The following LIN54 variants were observed in gnomAD, a reference collection of about 807,000 sequenced individuals.
LIN54 encodes lin-54 DREAM MuvB core complex component.
A neutral mutation model predicts 78.7 loss-of-function variants in LIN54; 9 were observed. The ratio of observed to expected loss-of-function variants is 0.11; its 90% CI spans 0.07 to 0.20. The LOEUF (loss-of-function observed/expected upper bound fraction) is 0.20, where lower values mean the gene tolerates loss of function less well. Among genes scored for constraint, LIN54 ranks in the 10% least tolerant of loss-of-function variants. The pLI, the probability that LIN54 is intolerant of heterozygous loss-of-function variation, is 1.00. For synonymous variants in LIN54, 269 were observed against 318.4 expected (o/e 0.84, Z 1.65); for missense variants, 573 against 889.9 (o/e 0.64, Z 4.53).
At position 82,928,276 on chromosome 4, in the gene LIN54, T is replaced by C; in HGVS notation, c.2076A>G (p.Glu692=). The change falls in exon 13 of 13, where the codon GAA becomes GAG. Residue 692 remains glutamate, a synonymous_variant. Coordinates refer to ENST00000340417, the MANE Select transcript of LIN54 (RefSeq NM_194282.4). The part of the protein sequence containing the change: ...GKLPFTFVTK[E]VAEATCNCLL... ...GGCAATTACATGTGGCTTCAGCTAC[T>C]TCCTTAGTTACAAATGTAAATGGCA... The C allele has an allele frequency of 1.2e-6, 2 of 1,614,114 alleles. No individual in the cohort carries two copies. Among genetic ancestry groups the C allele is most frequent in the Non-Finnish European group, 1.7e-6 (2 of 1,179,920 alleles).
chr4:82,970,254 T>C (rs894140543), intron 4 of LIN54, 73 bp downstream of exon 4: 47 of 1,391,588 alleles, frequency 3.4e-5, no homozygotes, highest in Non-Finnish European at 4.5e-5. Flanking sequence ...AATTGAAGTA[T>C]CTGAAGTGAC....
intron 1 of LIN54, among the ~76,000 whole-genome samples, chr4:82,997,482 T>C (rs1728318359): frequency 6.6e-6 from 1 of 152,092 alleles, no homozygotes; most frequent in African/African-American, 2.4e-5. Flanking sequence ...TACTTCTTGC[T>C]TCCTAACTTT....
chr4:82,979,053 C>A, intron 2 of LIN54, 47 bp from the exon 3 acceptor site: 2 of 1,433,396 alleles, frequency 1.4e-6, no homozygotes, highest in Non-Finnish European at 9.5e-7. Flanking sequence ...CTATAAAATG[C>A]CTATTAAATC....
chr4:82,998,507 A>G (rs891113475), intron 1 of LIN54, among the ~76,000 whole-genome samples: 1 of 70,306 alleles, frequency 1.4e-5, no homozygotes, highest in Admixed American at 1.4e-4. Context: ...AGCAGCTCCA[A>G]CTCGGGCGAC....
intron 4 of LIN54, among the ~76,000 whole-genome samples, chr4:82,962,173 C>T (rs966234467): frequency 5.3e-5 from 8 of 152,088 alleles, no homozygotes; most frequent in Non-Finnish European, 8.8e-5. Flanking sequence ...AATCTTCCCA[C>T]CCCAGCCTTC....
intron 1 of LIN54, among the ~76,000 whole-genome samples, chr4:82,986,843 G>A (rs142742799): frequency 5.6e-4 from 85 of 151,924 alleles, no homozygotes; most frequent in Non-Finnish European, 9.3e-4. Context: ...CACTGATGAC[G>A]TAATTTAATT....
intron 4 of LIN54, among the ~76,000 whole-genome samples, chr4:82,966,316 G>A (rs1725196779): frequency 6.6e-6 from 1 of 152,048 alleles, no homozygotes; most frequent in South Asian, 2.1e-4. Context: ...GATAGGATGG[G>A]ATATTTTCTG....
chr4:82,984,176 C>T lies in LIN54; in HGVS notation c.669G>A (p.Gln223=). ...TTQPSVLQTQ[Q]LKTVQIAKKP... ...TTTCTTTTACCTGTACTGTTTTTAA[C>T]TGTTGGGTCTGTAACACAGAGGGCT... Residue 223 remains glutamine, a synonymous_variant, in exon 2 of 13, where the codon CAG becomes CAA. Coordinates refer to ENST00000340417, the MANE Select transcript of LIN54 (RefSeq NM_194282.4). 1 of 1,609,624 alleles carries T rather than the reference C, an allele frequency of 6.2e-7. No individual in the cohort carries two copies. Among genetic ancestry groups the T allele is most frequent in the Non-Finnish European group, 8.5e-7 (1 of 1,178,264 alleles).
At chr4:83,008,815 A>G (rs1729625440) in intron 1 of LIN54, among the ~76,000 whole-genome samples, 1 of 152,228 alleles carries the variant, frequency 6.6e-6, no homozygotes, top group Admixed American at 6.5e-5. Flanking sequence ...AACCAGGACA[A>G]TCTGAAAACT....
chr4:82,994,491 C>T (rs536473251), intron 1 of LIN54, among the ~76,000 whole-genome samples: 40 of 151,800 alleles, frequency 2.6e-4, no homozygotes, highest in Admixed American at 2.4e-3. Flanking sequence ...TCCACCTCCC[C>T]GGTTCAAGCA....
chr4:82,948,620 T>C (rs1352573015), intron 4 of LIN54, among the ~76,000 whole-genome samples: 2 of 152,234 alleles, frequency 1.3e-5, no homozygotes, highest in Admixed American at 6.5e-5. Flanking sequence ...TTGTTACTTA[T>C]AGTCCTCACA....
At chr4:83,004,413 A>AAAAAG (rs1553959966) in intron 1 of LIN54, among the ~76,000 whole-genome samples, 6 of 149,942 alleles carry the variant, frequency 4.0e-5, no homozygotes, top group South Asian at 2.1e-4. Flanking sequence ...AAAAAAAAAA[A>AAAAAG]AAAGAAAGAA....
At chr4:83,001,045 T>TA (rs200993534) in intron 1 of LIN54, among the ~76,000 whole-genome samples, 2,686 of 152,046 alleles carry the variant, frequency 0.018, 83 homozygotes, top group African/African-American at 0.061. Flanking sequence ...CTCAAACTCC[T>TA]AACCTCAGGT....
At chr4:82,934,894 TA>T (rs1252302491) in intron 11 of LIN54, among the ~76,000 whole-genome samples, 2 of 152,148 alleles carry the variant, frequency 1.3e-5, no homozygotes, top group African/African-American at 4.8e-5. Flanking sequence ...TTGTTACACA[TA>T]AGCTTCTAAA....
chr4:82,990,547 G>C (rs907385136), intron 1 of LIN54, among the ~76,000 whole-genome samples: 2 of 151,712 alleles, frequency 1.3e-5, no homozygotes, highest in Non-Finnish European at 2.9e-5. Flanking sequence ...GCAGTGGCGC[G>C]ATCTCGGCTC....
At chr4:82,976,781 C>T (rs111935996) in intron 3 of LIN54, among the ~76,000 whole-genome samples, 3,014 of 152,190 alleles carry the variant, frequency 0.02, 101 homozygotes, top group African/African-American at 0.068. Flanking sequence ...ATGGAATCTC[C>T]TTGTGATACA....
chr4:82,938,631 C>G, intron 7 of LIN54, 127 bp from the exon 8 acceptor site: 1 of 612,674 alleles, frequency 1.6e-6, no homozygotes, highest in South Asian at 2.0e-5. Context: ...GAATATCACA[C>G]AAACACATAC....
At chr4:82,935,136 A>C (rs2126032088) in intron 11 of LIN54, among the ~76,000 whole-genome samples, 1 of 152,178 alleles carries the variant, frequency 6.6e-6, no homozygotes, top group African/African-American at 2.4e-5. Context: ...CTCACAAAGC[A>C]AACTTAACAT....
intron 1 of LIN54, among the ~76,000 whole-genome samples, chr4:82,993,137 T>C (rs892718197): frequency 5.9e-5 from 9 of 151,646 alleles, no homozygotes; most frequent in Non-Finnish European, 1.2e-4. Context: ...TGCACCACTG[T>C]GCCTGGCCCA....
Sources: gnomAD v4.1 joint callset for allele counts (sites outside exome capture counted in the v4.1 genomes callset) on GRCh38, gnomAD v4.1.1 for gene constraint, MANE v1.5 for transcripts, NCBI Gene and HGNC (gene_info 2026-07-23, HGNC 2026-07-21) for gene names.